Variants in OLFM1 observed in about 807,000 individuals in gnomAD.
OLFM1 encodes noelin.
A neutral mutation model predicts 49.7 loss-of-function variants in OLFM1; 9 were observed. The observed-to-expected ratio is 0.18, with a 90% confidence interval of 0.11 to 0.32. OLFM1 has a LOEUF of 0.32. Among genes scored for constraint, OLFM1 ranks in the 10% least tolerant of loss-of-function variants. OLFM1 has a pLI of 1.00. For synonymous variants in OLFM1, 240 were observed against 271.8 expected (o/e 0.88, Z 1.15); for missense variants, 369 against 661.8 (o/e 0.56, Z 4.85).
chr9:135,091,436 CTCACACATAG>C (rs1332725233), intron 2 of OLFM1, among the ~76,000 whole-genome samples: 1 of 151,564 alleles, frequency 6.6e-6, no homozygotes, highest in African/African-American at 2.4e-5. Flanking sequence ...CACAAACACA[CTCACACATAG>C]TCACACACAC....
At chr9:135,091,307 T>C (rs1191859033) in intron 2 of OLFM1, among the ~76,000 whole-genome samples, 2 of 152,194 alleles carry the variant, frequency 1.3e-5, no homozygotes, top group Non-Finnish European at 2.9e-5. Flanking sequence ...GGAGGAATGG[T>C]GGGCCCTTCT....
At chr9:135,095,804 AGAG>A in intron 2 of OLFM1, 57 bp from the exon 3 acceptor site, 1 of 1,583,832 alleles carries the variant, frequency 6.3e-7, no homozygotes, top group Non-Finnish European at 8.6e-7. Flanking sequence ...ACGAGCAGGC[AGAG>A]AAGATTGCCT....
At chr9:135,109,382 T>G (rs1459965551) in intron 5 of OLFM1, among the ~76,000 whole-genome samples, 3 of 152,184 alleles carry the variant, frequency 2.0e-5, no homozygotes, top group Non-Finnish European at 2.9e-5. Flanking sequence ...GCATCTATTT[T>G]CTGCTTGATG....
Position 135,080,791 on chromosome 9 carries a change from G to A in OLFM1, c.96+4989G>A, listed in dbSNP as rs966135969. Reference sequence around the variant, plus strand: ...ACCACGAGCTAGGCTGACAGGGCGAGCAGCCAATTTCCAGCTCTGAAAGAT... The same window carrying A: ...ACCACGAGCTAGGCTGACAGGGCGAACAGCCAATTTCCAGCTCTGAAAGAT... On this transcript the variant is annotated intron_variant, in intron 1 of 5. Transcript: ENST00000252854. This position sits in a 1 kb window ranked among gnomAD's most constrained non-coding sequence, Gnocchi z 4.5. Among the ~76,000 whole-genome samples, 2 of 152,146 alleles carry A rather than the reference G, an allele frequency of 1.3e-5. No individual in the cohort carries two copies. The highest frequency in any genetic ancestry group is 2.9e-5 in the Non-Finnish European group (2 of 68,028).
upstream of OLFM1, among the ~76,000 whole-genome samples, chr9:135,084,870 G>A (rs189629114): frequency 1.2e-4 from 19 of 152,196 alleles, no homozygotes; most frequent in South Asian, 4.2e-4. The surrounding 1 kb of genome is among the most constrained non-coding windows in gnomAD (Gnocchi z 4.6). Flanking sequence ...GTCAGTGGTC[G>A]TCTGACTGTG....
intron 1 of OLFM1, chr9:135,077,107 T>G: frequency 6.5e-7 from 1 of 1,550,142 alleles, no homozygotes; most frequent in Non-Finnish European, 8.7e-7. Flanking sequence ...TGGTGGAGGG[T>G]GGTGGTTGTG....
intron 1 of OLFM1, among the ~76,000 whole-genome samples, chr9:135,079,711 T>C (rs1830509875): frequency 6.6e-6 from 1 of 151,762 alleles, no homozygotes; most frequent in Non-Finnish European, 1.5e-5. Flanking sequence ...TCCACGTGGG[T>C]TGAGGGTATT....
chr9:135,076,840 T>A (rs1288341300), intron 1 of OLFM1: 1 of 1,549,578 alleles, frequency 6.5e-7, no homozygotes, highest in East Asian at 2.4e-5. Context: ...GCAGAGAAGA[T>A]GGGAGGGCCA....
chr9:135,111,675 C>T (rs573041471), intron 5 of OLFM1, among the ~76,000 whole-genome samples: 9 of 152,206 alleles, frequency 5.9e-5, no homozygotes, highest in East Asian at 5.8e-4. Context: ...CTGGAGTCTG[C>T]GTCTCTCTGC....
chr9:135,080,501 TC>T lies in OLFM1; in HGVS notation c.96+4702del, dbSNP rs1431908084. On this transcript the variant is annotated intron_variant, in intron 1 of 5. Coordinates refer to the OLFM1 transcript ENST00000252854. This position sits in a 1 kb window ranked among gnomAD's most constrained non-coding sequence, Gnocchi z 4.5. ...AGAGGGGCACCCTCCCCTTTCCCAT[TC>T]CCGGGCTGCCTCCCCTGGTGGAGAG... Among the ~76,000 whole-genome samples the T allele has an allele frequency of 6.6e-6, 1 of 152,060 alleles. No homozygotes were observed. Among genetic ancestry groups the T allele is most frequent in the Non-Finnish European group, 1.5e-5 (1 of 68,006 alleles).
chr9:135,104,440 C>T (rs936127763), intron 4 of OLFM1, among the ~76,000 whole-genome samples: 8 of 152,172 alleles, frequency 5.3e-5, no homozygotes, highest in Non-Finnish European at 7.3e-5. Flanking sequence ...GAGTCTGCTG[C>T]GGGTGTGGTT....
intron 3 of OLFM1, among the ~76,000 whole-genome samples, chr9:135,097,454 G>T (rs1346461204): frequency 2.0e-5 from 3 of 152,224 alleles, no homozygotes; most frequent in Non-Finnish European, 2.9e-5. Context: ...AACGAGGGGG[G>T]TGTCTTCAGC....
intron 1 of OLFM1, among the ~76,000 whole-genome samples, chr9:135,081,591 A>G (rs568842806): frequency 3.3e-5 from 5 of 152,288 alleles, no homozygotes; most frequent in Admixed American, 3.3e-4. Flanking sequence ...CAGCTGCCTC[A>G]GTTCTCTGGA....
Position 135,087,787 on chromosome 9 carries a change from A to G in OLFM1, c.-203A>G. On this transcript the variant is annotated 5_prime_UTR_variant, in exon 1 of 6. Coordinates refer to ENST00000371793, the MANE Select transcript of OLFM1 (RefSeq NM_001282611.2). ...CGCGGCGGGCAGAGGCCACCTGGCC[A>G]CCTTCCCTGGCGCCCGGGGAAGGCG... The G allele has an allele frequency of 1.6e-6, 1 of 628,722 alleles. No homozygotes were observed. Among genetic ancestry groups the G allele is most frequent in the Non-Finnish European group, 2.0e-6 (1 of 507,120 alleles). 38.9% of individuals were successfully genotyped at this position (628,722 alleles called of 1,614,324 possible). A position where few individuals can be genotyped will look rare whatever the true frequency, so the allele number is the denominator to read the frequency against.
At chr9:135,097,563 C>T (rs1023181814) in intron 3 of OLFM1, among the ~76,000 whole-genome samples, 8 of 152,120 alleles carry the variant, frequency 5.3e-5, no homozygotes, top group African/African-American at 1.2e-4. Flanking sequence ...GAAAAGCAAG[C>T]GCTTGCCTAT....
Position 135,117,873 on chromosome 9 carries a change from T to C in OLFM1, c.784-1631T>C, listed in dbSNP as rs939036668. ...CCCATCCCAAATTCCCACTAGATCCTTTCTTCAAACTGTGTGTTCCCATCT... is the reference window on the plus strand; with the variant it reads ...CCCATCCCAAATTCCCACTAGATCCCTTCTTCAAACTGTGTGTTCCCATCT... On this transcript the variant is annotated intron_variant, in intron 5 of 5. Coordinates refer to ENST00000371793, the MANE Select transcript of OLFM1 (RefSeq NM_001282611.2). The surrounding 1 kb of genome is among the most constrained non-coding windows in gnomAD (Gnocchi z 5.5). Among the ~76,000 whole-genome samples, 43 of 152,238 alleles carry C rather than the reference T, an allele frequency of 2.8e-4. No individual in the cohort carries two copies. The highest frequency in any genetic ancestry group is 9.6e-4 in the African/African-American group (40 of 41,468).
At position 135,098,173 on chromosome 9, in the gene OLFM1, T is replaced by C. The variant is rs1276261702; in HGVS notation, c.457-113T>C. The C allele has an allele frequency of 1.4e-6, 2 of 1,464,502 alleles. No individual in the cohort carries two copies. The highest frequency in any genetic ancestry group is 2.8e-5 in the African/African-American group (2 of 70,448). 90.7% of individuals were successfully genotyped at this position (1,464,502 alleles called of 1,614,324 possible). A position where few individuals can be genotyped will look rare whatever the true frequency, so the allele number is the denominator to read the frequency against. ...ATTTGGACCAGAACAAATAAGCCTG[T>C]AAATAAAGCGGGAATATACACACTT... On this transcript the variant is annotated intron_variant, in intron 3 of 5. Transcript: ENST00000371793. This position sits in a 1 kb window ranked among gnomAD's most constrained non-coding sequence, Gnocchi z 5.6.
chr9:135,097,995 G>T (rs1830823017), intron 3 of OLFM1: 2 of 1,415,784 alleles, frequency 1.4e-6, no homozygotes, highest in East Asian at 2.6e-5. Context: ...TTGAACCCTT[G>T]TCAATGCATT....
chr9:135,119,129 G>C (rs537897999), intron 5 of OLFM1, among the ~76,000 whole-genome samples: 1 of 150,852 alleles, frequency 6.6e-6, no homozygotes, highest in East Asian at 2.1e-4. Context: ...GGTCTTTGGA[G>C]TACTCGTTGT....
Sources: allele counts gnomAD v4.1 joint callset (sites outside exome capture counted in the v4.1 genomes callset), GRCh38; gene constraint gnomAD v4.1.1; non-coding constraint Gnocchi (gnomAD v3.1); transcripts MANE v1.5; gene names NCBI Gene and HGNC (gene_info 2026-07-23, HGNC 2026-07-21).